The following LMBRD1 variants were observed in gnomAD, a reference collection of about 807,000 sequenced individuals.
The protein encoded by LMBRD1 is LMBR1 domain containing 1, also known as lysosomal cobalamin transport escort protein LMBD1.
Under a neutral mutation model 74.8 loss-of-function variants are expected in LMBRD1, and 64 were observed. The ratio of observed to expected loss-of-function variants is 0.86; its 90% CI spans 0.70 to 1.05. The LOEUF is 1.05. Ranked by LOEUF, LMBRD1 falls within the 50% of genes least tolerant of loss-of-function variation. The pLI, the probability that LMBRD1 is intolerant of heterozygous loss-of-function variation, is 0.00. For synonymous variants in LMBRD1, 204 were observed against 216.3 expected, an observed-to-expected ratio of 0.94 and a Z score of 0.50; for missense variants, 652 against 645.9, an observed-to-expected ratio of 1.01 and a Z score of -0.10.
intron 5 of LMBRD1, among the ~76,000 whole-genome samples, chr6:69,742,346 T>C (rs1767123620): frequency 6.6e-6 from 1 of 152,162 alleles, no homozygotes; most frequent in African/African-American, 2.4e-5. Flanking sequence ...ATTATTACTT[T>C]CTTATTAGTA....
At chr6:69,747,930 C>T (rs1349456069) in intron 5 of LMBRD1, among the ~76,000 whole-genome samples, 2 of 152,196 alleles carry the variant, frequency 1.3e-5, no homozygotes, top group South Asian at 2.1e-4. Context: ...AAATGCACGC[C>T]TCATTCAAAT....
chr6:69,758,301 C>T (rs375374342), intron 3 of LMBRD1, among the ~76,000 whole-genome samples: 2 of 152,050 alleles, frequency 1.3e-5, no homozygotes, highest in Admixed American at 1.3e-4. Flanking sequence ...CATTACAAAG[C>T]TTTTTGTTTT....
At chr6:69,702,764 C>T (rs1202452231) in intron 9 of LMBRD1, among the ~76,000 whole-genome samples, 1 of 151,890 alleles carries the variant, frequency 6.6e-6, no homozygotes, top group Non-Finnish European at 1.5e-5. Flanking sequence ...AAGAAGAGTC[C>T]CAGTAAGCAC....
chr6:69,737,294 C>T (rs1766996911), intron 7 of LMBRD1, among the ~76,000 whole-genome samples: 1 of 151,930 alleles, frequency 6.6e-6, no homozygotes. Flanking sequence ...TTATTACTAG[C>T]TTTTTATCTA....
chr6:69,796,682 C>A, intron 1 of LMBRD1, 131 bp downstream of exon 1: 1 of 849,656 alleles, frequency 1.2e-6, no homozygotes, highest in East Asian at 2.6e-5. Context: ...CTAAGGAGCC[C>A]TCCACAGTCC....
intron 11 of LMBRD1, among the ~76,000 whole-genome samples, chr6:69,701,183 T>A (rs1370052929): frequency 2.0e-5 from 3 of 151,884 alleles, no homozygotes; most frequent in Admixed American, 2.0e-4. Context: ...TCACCTCATG[T>A]TATATAATAT....
intron 12 of LMBRD1, among the ~76,000 whole-genome samples, chr6:69,699,676 G>A (rs894850085): frequency 2.0e-5 from 3 of 151,674 alleles, no homozygotes; most frequent in African/African-American, 4.8e-5. Flanking sequence ...CTATACTAAA[G>A]GGAAATGAAA....
At chr6:69,739,993 C>T (rs1295614364) in intron 6 of LMBRD1, among the ~76,000 whole-genome samples, 1 of 152,050 alleles carries the variant, frequency 6.6e-6, no homozygotes, top group Non-Finnish European at 1.5e-5. Flanking sequence ...GTAGTCCCAG[C>T]TACTCAGGAG....
At chr6:69,702,286 GACACACAC>G (rs56690836) in intron 9 of LMBRD1, among the ~76,000 whole-genome samples, 1 of 149,370 alleles carries the variant, frequency 6.7e-6, no homozygotes, top group Non-Finnish European at 1.5e-5. Flanking sequence ...CTAACACACA[GACACACAC>G]ACACACACAC....
chr6:69,676,831 G>A (rs1170993721), intron 14 of LMBRD1, among the ~76,000 whole-genome samples: 1 of 151,976 alleles, frequency 6.6e-6, no homozygotes, highest in Non-Finnish European at 1.5e-5. Flanking sequence ...TTGCTTTACT[G>A]GAAATAGAAG....
chr6:69,796,104 C>T (rs996992789), intron 1 of LMBRD1, among the ~76,000 whole-genome samples: 5 of 152,192 alleles, frequency 3.3e-5, no homozygotes, highest in African/African-American at 1.2e-4. Context: ...TTTCTATCTA[C>T]ACTTTGCTCA....
At chr6:69,695,272 T>C (rs2445965) in intron 14 of LMBRD1, among the ~76,000 whole-genome samples, 134,891 of 151,790 alleles carry the variant, frequency 0.89, 61,627 homozygotes, top group Non-Finnish European at 0.99. Flanking sequence ...AGTTCTTGAC[T>C]CCGCACATCT....
chr6:69,727,212 T>G (rs1766755638), intron 7 of LMBRD1, among the ~76,000 whole-genome samples: 1 of 152,212 alleles, frequency 6.6e-6, no homozygotes, highest in African/African-American at 2.4e-5. Context: ...TTGGACTGTT[T>G]GTAACACAAA....
intron 3 of LMBRD1, among the ~76,000 whole-genome samples, chr6:69,759,007 G>T (rs184939722): frequency 6.6e-6 from 1 of 152,122 alleles, no homozygotes; most frequent in East Asian, 1.9e-4. Context: ...AAAGTGGCCT[G>T]GTAGAAATCA....
chr6:69,751,338 T>A (rs1238479073), intron 4 of LMBRD1, among the ~76,000 whole-genome samples: 3 of 152,178 alleles, frequency 2.0e-5, no homozygotes, highest in Non-Finnish European at 4.4e-5. Flanking sequence ...CTTTTTTTTT[T>A]TTTCTGAGAT....
At chr6:69,778,487 G>T (rs1328835826) in intron 3 of LMBRD1, among the ~76,000 whole-genome samples, 1 of 152,138 alleles carries the variant, frequency 6.6e-6, no homozygotes, top group Non-Finnish European at 1.5e-5. Flanking sequence ...AGTCTTTTGC[G>T]AACTTAATTA....
chr6:69,745,344 C>T (rs963473096), intron 5 of LMBRD1, among the ~76,000 whole-genome samples: 1 of 149,592 alleles, frequency 6.7e-6, no homozygotes. Context: ...CTGCAAGCTC[C>T]GCTTCCCGGG....
chr6:69,680,166 A>G (rs1395145888), intron 14 of LMBRD1, among the ~76,000 whole-genome samples: 1 of 152,164 alleles, frequency 6.6e-6, no homozygotes, highest in Non-Finnish European at 1.5e-5. Flanking sequence ...AATGAAGAGC[A>G]GGGTAGGCTT....
rs1407058984 is a variant in LMBRD1 at position 69,793,542 on chromosome 6, A to C, written c.70-3070T>G. 3.9e-5 allele frequency among the ~76,000 whole-genome samples: 6 copies of C among 152,304 alleles called. No individual in the cohort carries two copies. The East Asian group carries it at 1.2e-3, about 29-fold the overall frequency. On this transcript the variant is annotated intron_variant, in intron 1 of 15. Coordinates refer to ENST00000649934, the MANE Select transcript of LMBRD1 (RefSeq NM_018368.4). ...ATACAATTTAAAGGTGGTGTGAGCC[A>C]AATTACAGAGGACATTGAAGCTAGA...
Sources: allele counts gnomAD v4.1 joint callset (sites outside exome capture counted in the v4.1 genomes callset), GRCh38; gene constraint gnomAD v4.1.1; transcripts MANE v1.5; gene names NCBI Gene and HGNC (gene_info 2026-07-23, HGNC 2026-07-21).